Variants in BMAL2 observed in about 807,000 individuals in gnomAD.
BMAL2 encodes the protein basic helix-loop-helix ARNT-like protein 2.
the BMAL2 span, among the ~76,000 whole-genome samples, chr12:27,396,553 AAG>A: frequency 1.3e-5 from 2 of 152,148 alleles, no homozygotes; most frequent in Admixed American, 1.3e-4. Flanking sequence ...GTTTTCGTGA[AAG>A]AGATTCTGGA....
At chr12:27,368,783 A>G in the BMAL2 span, among the ~76,000 whole-genome samples, 1 of 152,242 alleles carries the variant, frequency 6.6e-6, no homozygotes, top group African/African-American at 2.4e-5. Context: ...CTCGTCATGT[A>G]TAGAATAACC....
chr12:27,347,271 T>C, the BMAL2 span, among the ~76,000 whole-genome samples: 1 of 152,254 alleles, frequency 6.6e-6, no homozygotes, highest in Admixed American at 6.5e-5. Flanking sequence ...CATCAAAACT[T>C]CAAGATTACA....
At chr12:27,418,085 C>G in the BMAL2 span, 1 of 1,601,710 alleles carries the variant, frequency 6.2e-7, no homozygotes, top group Non-Finnish European at 8.5e-7. Flanking sequence ...GCTGTCTTTT[C>G]AGATGTCAAA....
the BMAL2 span, among the ~76,000 whole-genome samples, chr12:27,341,992 A>G: frequency 6.6e-6 from 1 of 152,118 alleles, no homozygotes; most frequent in African/African-American, 2.4e-5. Flanking sequence ...GCCAAAGTGC[A>G]GTGGTGTGAT....
At chr12:27,386,263 T>C in the BMAL2 span, among the ~76,000 whole-genome samples, 140 of 152,318 alleles carry the variant, frequency 9.2e-4, 1 homozygote, top group African/African-American at 3.2e-3. Flanking sequence ...GGTGGCAAAA[T>C]GTACGATTTG....
the BMAL2 span, among the ~76,000 whole-genome samples, chr12:27,413,586 G>A: frequency 6.6e-6 from 1 of 152,080 alleles, no homozygotes; most frequent in African/African-American, 2.4e-5. Context: ...AGTAAGAAAG[G>A]AAGAATGGAA....
chr12:27,376,958 G>A, the BMAL2 span, among the ~76,000 whole-genome samples: 313 of 123,648 alleles, frequency 2.5e-3, 7 homozygotes, highest in Non-Finnish European at 6.6e-4. Context: ...CCGAAATCGC[G>A]CCACTGCACT....
chr12:27,403,623 C>A, the BMAL2 span: 1 of 783,746 alleles, frequency 1.3e-6, no homozygotes, highest in South Asian at 1.9e-5. Context: ...AGTAGCCTTC[C>A]TATATACAAA....
the BMAL2 span, among the ~76,000 whole-genome samples, chr12:27,413,754 C>T: frequency 6.6e-6 from 1 of 152,126 alleles, no homozygotes; most frequent in South Asian, 2.1e-4. Flanking sequence ...ACCAGTGACT[C>T]AATTTAGTTT....
the BMAL2 span, among the ~76,000 whole-genome samples, chr12:27,357,862 C>T: frequency 6.6e-6 from 1 of 152,106 alleles, no homozygotes; most frequent in East Asian, 1.9e-4. Context: ...AAAATCATCT[C>T]AAGATGGATC....
chr12:27,362,852 C>T, the BMAL2 span, among the ~76,000 whole-genome samples: 16 of 152,158 alleles, frequency 1.1e-4, no homozygotes, highest in Middle Eastern at 6.8e-3. Context: ...CTCACTCTGT[C>T]ACCCAGGCTG....
the BMAL2 span, chr12:27,402,676 A>C: frequency 5.0e-6 from 8 of 1,609,986 alleles, no homozygotes; most frequent in Admixed American, 1.2e-4. Context: ...AATCATCAGA[A>C]GGTAAGCTTA....
At chr12:27,409,824 A>G in the BMAL2 span, among the ~76,000 whole-genome samples, 429 of 152,280 alleles carry the variant, frequency 2.8e-3, 2 homozygotes, top group African/African-American at 9.6e-3. Context: ...AGAATGGGAG[A>G]AAATTTTTGC....
At chr12:27,360,051 TAAA>T in the BMAL2 span, among the ~76,000 whole-genome samples, 6 of 115,268 alleles carry the variant, frequency 5.2e-5, no homozygotes, top group Admixed American at 9.7e-5. Context: ...AGACCCTATT[TAAA>T]AAAAAAAAAA....
the BMAL2 span, among the ~76,000 whole-genome samples, chr12:27,392,475 G>A: frequency 2.7e-5 from 4 of 148,882 alleles, no homozygotes; most frequent in African/African-American, 9.9e-5. Flanking sequence ...CAGCTAGGAA[G>A]GACATGGCCG....
chr12:27,346,792 C>T, the BMAL2 span, among the ~76,000 whole-genome samples: 2 of 152,258 alleles, frequency 1.3e-5, no homozygotes, highest in African/African-American at 2.4e-5. Context: ...CTCCAAACCT[C>T]ATGTTGAAGT....
chr12:27,417,779 G>A, the BMAL2 span, among the ~76,000 whole-genome samples: 1 of 151,820 alleles, frequency 6.6e-6, no homozygotes, highest in Admixed American at 6.6e-5. Context: ...AGATCATGAG[G>A]TCAGGAGATC....
At chr12:27,338,285 C>G in the BMAL2 span, among the ~76,000 whole-genome samples, 2 of 152,156 alleles carry the variant, frequency 1.3e-5, no homozygotes, top group African/African-American at 4.8e-5. Context: ...GTGAGAAATG[C>G]AGCCAAAATA....
At chr12:27,384,553 TG>T in the BMAL2 span, among the ~76,000 whole-genome samples, 1 of 152,178 alleles carries the variant, frequency 6.6e-6, no homozygotes, top group South Asian at 2.1e-4. Context: ...TCTAAATAAC[TG>T]TAGTGGTCCC....
Sources: gnomAD v4.1 joint callset for allele counts (sites outside exome capture counted in the v4.1 genomes callset) on GRCh38, gnomAD v4.1.1 for gene constraint, MANE v1.5 for transcripts, NCBI Gene and HGNC (gene_info 2026-07-23, HGNC 2026-07-21) for gene names.